HTR4: variants seen among roughly 807,000 people sequenced by gnomAD.
The protein encoded by HTR4 is 5-hydroxytryptamine receptor 4, also known as 5-hydroxytryptamine (serotonin) receptor 4, G protein-coupled.
HTR4 carries 16 observed loss-of-function variants against 36.8 expected under a neutral mutation model. The ratio of observed to expected loss-of-function variants is 0.43; its 90% confidence interval spans 0.29 to 0.66. The LOEUF is 0.66. Among genes scored for constraint, HTR4 ranks in the 30% least tolerant of loss-of-function variants. HTR4 has a pLI of 0.13. For missense variants in HTR4, 438 were observed against 490.9 expected (o/e 0.89, Z 1.02); for synonymous variants, 189 against 185.1 (o/e 1.02, Z -0.17).
In HTR4 at chr5:148,617,339, A is replaced by G. The variant is rs375231065; in HGVS notation, c.26+19650T>C. ...AGATGCTAGTGCCTTGCTTGTACAGACTACCCAACCATGAGCCAACTAAAC... is the reference window on the plus strand; with the variant it reads ...AGATGCTAGTGCCTTGCTTGTACAGGCTACCCAACCATGAGCCAACTAAAC... On this transcript the variant is annotated intron_variant, in intron 2 of 6. Transcript: ENST00000377888. Among the ~76,000 whole-genome samples the G allele has an allele frequency of 4.2e-4, 64 of 152,302 alleles. 2 individuals carry two copies. In the South Asian group the frequency reaches 0.013, roughly 30 times the overall value.
At chr5:148,562,977 T>C (rs1479972076) in intron 2 of HTR4, among the ~76,000 whole-genome samples, 1 of 152,154 alleles carries the variant, frequency 6.6e-6, no homozygotes, top group Non-Finnish European at 1.5e-5. Context: ...TCACATACAA[T>C]CCACTCTTCA....
At chr5:148,531,562 G>A (rs1474023239) in intron 4 of HTR4, among the ~76,000 whole-genome samples, 1 of 152,108 alleles carries the variant, frequency 6.6e-6, no homozygotes, top group Non-Finnish European at 1.5e-5. Context: ...CCAGCAGTGT[G>A]AAAATGGGCT....
chr5:148,548,637 A>G, intron 4 of HTR4, 31 bp downstream of exon 4: 1 of 1,533,550 alleles, frequency 6.5e-7, no homozygotes, highest in Non-Finnish European at 8.9e-7. Context: ...TCCAGCATGG[A>G]GCTCCGCTAT....
At chr5:148,634,329 A>G (rs188735541) in intron 2 of HTR4, among the ~76,000 whole-genome samples, 40 of 152,302 alleles carry the variant, frequency 2.6e-4, no homozygotes, top group African/African-American at 9.1e-4. Context: ...AATGTCAGAC[A>G]TCTCAGCAAT....
chr5:148,572,837 T>C (rs527250884), intron 2 of HTR4, among the ~76,000 whole-genome samples: 1 of 152,194 alleles, frequency 6.6e-6, no homozygotes, highest in African/African-American at 2.4e-5. Flanking sequence ...TGTCAGAACA[T>C]GACAGGCCAC....
intron 6 of HTR4, among the ~76,000 whole-genome samples, chr5:148,493,214 G>A (rs1027976014): frequency 1.3e-5 from 2 of 152,142 alleles, no homozygotes; most frequent in East Asian, 1.9e-4. Flanking sequence ...GACCAAGGCC[G>A]GCTTTGTGGG....
At chr5:148,634,254 G>T (rs1753446029) in intron 2 of HTR4, among the ~76,000 whole-genome samples, 1 of 152,048 alleles carries the variant, frequency 6.6e-6, no homozygotes, top group African/African-American at 2.4e-5. Context: ...CTGCCATCCT[G>T]TTCCTTTTGG....
intron 2 of HTR4, among the ~76,000 whole-genome samples, chr5:148,619,629 A>C (rs539527807): frequency 6.6e-6 from 1 of 152,320 alleles, no homozygotes; most frequent in Non-Finnish European, 1.5e-5. Flanking sequence ...GAGCCCACAC[A>C]GCCTAGCCAT....
intron 1 of HTR4, among the ~76,000 whole-genome samples, chr5:148,638,397 C>T (rs140317025): frequency 2.7e-4 from 41 of 152,302 alleles, no homozygotes; most frequent in African/African-American, 8.4e-4. Flanking sequence ...CCCTAACTAT[C>T]GAAGTGACAG....
At chr5:148,515,910 T>TTC (rs1324130473) in intron 5 of HTR4, among the ~76,000 whole-genome samples, 1 of 151,314 alleles carries the variant, frequency 6.6e-6, no homozygotes, top group East Asian at 1.9e-4. Context: ...ATCTGCCCCA[T>TTC]TCTCTCTCTC....
intron 6 of HTR4, among the ~76,000 whole-genome samples, chr5:148,508,893 CAT>C (rs1221848873): frequency 2.0e-5 from 3 of 151,920 alleles, no homozygotes; most frequent in Middle Eastern, 3.2e-3. Flanking sequence ...AGAAAACACA[CAT>C]GAGATGAGAA....
intron 2 of HTR4, among the ~76,000 whole-genome samples, chr5:148,586,659 G>T (rs1010183225): frequency 3.3e-5 from 5 of 152,078 alleles, no homozygotes; most frequent in Non-Finnish European, 7.4e-5. Flanking sequence ...ATGAGATTTG[G>T]GTGGGGATAG....
At chr5:148,498,761 G>T (rs566779891) in intron 6 of HTR4, among the ~76,000 whole-genome samples, 1 of 152,274 alleles carries the variant, frequency 6.6e-6, no homozygotes, top group South Asian at 2.1e-4. Context: ...CCAATCCTGA[G>T]ATGAACTTCT....
At chr5:148,451,176 T>C (rs200342469) in exon 6 of HTR4, 3 of 1,613,684 alleles carry the variant, frequency 1.9e-6, no homozygotes, top group Admixed American at 1.7e-5. Context: ...TTGTGAGCCA[T>C]GTCCTCAATC....
At chr5:148,476,635 A>G, downstream of HTR4, 6 of 1,581,028 alleles carry the variant, frequency 3.8e-6, no homozygotes, top group Non-Finnish European at 5.1e-6. Flanking sequence ...TTCCAAACAA[A>G]TACATCCAAT....
intron 2 of HTR4, among the ~76,000 whole-genome samples, chr5:148,603,026 A>G (rs2127270834): frequency 6.6e-6 from 1 of 152,226 alleles, no homozygotes; most frequent in African/African-American, 2.4e-5. Context: ...CACTTAAGAA[A>G]TAAATAACAC....
downstream of HTR4, among the ~76,000 whole-genome samples, chr5:148,477,392 C>A (rs571047023): frequency 1.3e-5 from 2 of 152,114 alleles, no homozygotes; most frequent in African/African-American, 4.8e-5. Context: ...CAAAACTCCA[C>A]GGAGAAACAA....
intron 5 of HTR4, among the ~76,000 whole-genome samples, chr5:148,470,456 A>T (rs1164732976): frequency 1.3e-5 from 2 of 152,236 alleles, no homozygotes; most frequent in Non-Finnish European, 2.9e-5. Flanking sequence ...TTTTAGAGTT[A>T]GCAAACTTTT....
At chr5:148,524,946 A>G (rs1006920238) in intron 4 of HTR4, among the ~76,000 whole-genome samples, 2 of 152,072 alleles carry the variant, frequency 1.3e-5, no homozygotes, top group African/African-American at 4.8e-5. Context: ...GAGCAGGGAG[A>G]GGAGAAATAC....
Sources: allele counts gnomAD v4.1 joint callset (sites outside exome capture counted in the v4.1 genomes callset), GRCh38; gene constraint gnomAD v4.1.1; transcripts MANE v1.5; gene names NCBI Gene and HGNC (gene_info 2026-07-23, HGNC 2026-07-21).